Variants in DCAF10 observed in about 807,000 individuals in gnomAD.
DCAF10 encodes DDB1 and CUL4 associated factor 10.
DCAF10 carries 19 observed loss-of-function variants against 51.9 expected under a neutral mutation model. The ratio of observed to expected loss-of-function variants is 0.37; its 90% confidence interval spans 0.26 to 0.54. DCAF10 has a LOEUF of 0.54. DCAF10 is among the 20% of genes least tolerant of loss of function. The pLI is 0.87. For missense variants in DCAF10, 510 were observed against 730.6 expected (o/e 0.70, Z 3.48); for synonymous variants, 291 against 297.1 (o/e 0.98, Z 0.21).
intron 3 of DCAF10, among the ~76,000 whole-genome samples, chr9:37,844,675 AAAAT>A (rs1354700531): frequency 1.3e-5 from 2 of 151,838 alleles, no homozygotes; most frequent in Non-Finnish European, 2.9e-5. Flanking sequence ...AGCAACAACA[AAAAT>A]AAATAAAACA....
intron 3 of DCAF10, among the ~76,000 whole-genome samples, chr9:37,847,459 T>G (rs1413732003): frequency 6.6e-6 from 1 of 151,876 alleles, no homozygotes; most frequent in Non-Finnish European, 1.5e-5. Flanking sequence ...CTAATAAAGG[T>G]CAAAACCCAT....
At chr9:37,840,588 GA>G (rs1356370300) in intron 2 of DCAF10, among the ~76,000 whole-genome samples, 3 of 152,266 alleles carry the variant, frequency 2.0e-5, no homozygotes, top group African/African-American at 7.2e-5. Context: ...TATTACAAAA[GA>G]GTCAAAAGTT....
intron 3 of DCAF10, among the ~76,000 whole-genome samples, chr9:37,851,788 AAAATAAATAAAT>A (rs528017195): frequency 7.1e-6 from 1 of 141,428 alleles, no homozygotes; most frequent in Non-Finnish European, 1.5e-5. Flanking sequence ...ACTCTGTCTC[AAAATAAATAAAT>A]AAATAAATAA....
At chr9:37,819,198 C>A in intron 1 of DCAF10, 90 bp from the exon 2 acceptor site, 2 of 996,756 alleles carry the variant, frequency 2.0e-6, no homozygotes, top group Non-Finnish European at 1.5e-6. Context: ...AAGTTATTTA[C>A]CTATAGCTTG....
intron 1 of DCAF10, among the ~76,000 whole-genome samples, chr9:37,811,169 A>C (rs1181966953): frequency 6.6e-6 from 1 of 152,048 alleles, no homozygotes; most frequent in African/African-American, 2.4e-5. Context: ...CCATATCTGC[A>C]AAAAATCTAA....
In DCAF10 at chr9:37,819,268, A is replaced by C; in HGVS notation, c.540-20A>C. The stretch of plus-strand genomic sequence containing the variant: ...GAATGCTAGAAAACTAAACAAGATA[A>C]ATGTGTCATTTGCTTTCAGGTCAGT... On this transcript the variant is annotated intron_variant, in intron 1 of 6. Transcript: ENST00000377724. 6.3e-7 allele frequency: 1 copy of C among 1,584,642 alleles called. No individual in the cohort carries two copies. The highest frequency in any genetic ancestry group is 8.7e-7 in the Non-Finnish European group (1 of 1,155,350).
At chr9:37,842,800 T>G (rs918177080) in intron 3 of DCAF10, among the ~76,000 whole-genome samples, 1 of 152,202 alleles carries the variant, frequency 6.6e-6, no homozygotes, top group Non-Finnish European at 1.5e-5. Flanking sequence ...TTTCTAAACC[T>G]CCTGCAGTAC....
chr9:37,825,550 C>T (rs989971734), intron 2 of DCAF10, among the ~76,000 whole-genome samples: 2 of 152,160 alleles, frequency 1.3e-5, no homozygotes, highest in African/African-American at 2.4e-5. Context: ...TAGAGGGGAG[C>T]AACAGACGCT....
rs74343293 is a variant in DCAF10 at position 37,807,940 on chromosome 9, G to A, written c.539+6535G>A. Among the ~76,000 whole-genome samples the A allele has an allele frequency of 3.8e-3, 580 of 152,190 alleles. 8 individuals are homozygous for A. Among genetic ancestry groups the A allele is most frequent in the Non-Finnish European group, 4.9e-3 (335 of 68,008 alleles). Reference sequence around the variant, plus strand: ...GCCTCCCAAAGAGCTGGGATTATAAGTGTGAACCACTGTGCCTGGCCTGAA... The same window carrying A: ...GCCTCCCAAAGAGCTGGGATTATAAATGTGAACCACTGTGCCTGGCCTGAA... On this transcript the variant is annotated intron_variant, in intron 1 of 6. Transcript: ENST00000377724.
chr9:37,821,617 A>G (rs1829702354), intron 2 of DCAF10, among the ~76,000 whole-genome samples: 1 of 152,244 alleles, frequency 6.6e-6, no homozygotes, highest in Non-Finnish European at 1.5e-5. Context: ...CTCTCACTTT[A>G]TACAAAAATC....
chr9:37,849,812 G>A (rs1243347597), intron 3 of DCAF10, among the ~76,000 whole-genome samples: 1 of 151,842 alleles, frequency 6.6e-6, no homozygotes, highest in Non-Finnish European at 1.5e-5. Context: ...CCTGGGAGGC[G>A]GAGGTTGCAG....
intron 2 of DCAF10, among the ~76,000 whole-genome samples, chr9:37,839,827 A>G (rs1231924608): frequency 2.0e-5 from 3 of 152,196 alleles, no homozygotes; most frequent in African/African-American, 7.2e-5. Context: ...ATGTACTTAC[A>G]GTGTCTTTTC....
chr9:37,854,097 A>ATT (rs1030726610), intron 3 of DCAF10, among the ~76,000 whole-genome samples: 2 of 145,122 alleles, frequency 1.4e-5, no homozygotes, highest in Non-Finnish European at 3.0e-5. Context: ...TGAAGTTTCA[A>ATT]TTTTTTTTTT....
At position 37,861,783 on chromosome 9, in the gene DCAF10, G is replaced by T; in HGVS notation, c.*275G>T. 6.0e-6 allele frequency: 2 copies of T among 331,072 alleles called. No homozygotes were observed. The highest frequency in any genetic ancestry group is 5.6e-6 in the Non-Finnish European group (1 of 178,494). The allele number at this position is 331,072 out of a possible 1,614,324, so 20.5% of individuals were successfully genotyped here. On this transcript the variant is annotated 3_prime_UTR_variant, in exon 7 of 7. Transcript: ENST00000377724. The surrounding 1 kb of genome is among the most constrained non-coding windows in gnomAD (Gnocchi z 4.9). ...TCCAGTTCTTCTGGTCATTTTGCAT[G>T]GTAGCTCTTGTCACGTTCCTTCCTT...
chr9:37,867,567 C>T lies in DCAF10; in HGVS notation c.*6059C>T, dbSNP rs1227561328. 1 of 151,486 alleles carries T rather than the reference C, an allele frequency of 6.6e-6. No homozygotes were observed. The highest frequency in any genetic ancestry group is 2.4e-5 in the African/African-American group (1 of 41,188). 9.4% of individuals were successfully genotyped at this position (151,486 alleles called of 1,614,324 possible). On this transcript the variant is annotated 3_prime_UTR_variant, in exon 7 of 7. Transcript: ENST00000377724. ...AAGTTCTTATGCTAGACTGTAAGCTCCTTGAGGGCAGAGACTGTTTTATTT... is the reference window on the plus strand; with the variant it reads ...AAGTTCTTATGCTAGACTGTAAGCTTCTTGAGGGCAGAGACTGTTTTATTT...
Position 37,861,290 on chromosome 9 carries a change from T to C in DCAF10, c.1462T>C (p.Ser488Pro). ...CTTCAGCCCCGATGGACGAATGATT[T>C]CTTCCCCACATGGCTATGGGATTCG... ...LCFSPDGRMISSPHGYGIRLL... is the reference protein window; with the variant it reads ...LCFSPDGRMIPSPHGYGIRLL... The change falls in exon 7 of 7, where the codon TCT becomes CCT. Residue 488 changes from serine (S) to proline (P), a missense_variant. Around this residue, in one of 4 missense-constraint regions of DCAF10, gnomAD observed 104 missense variants for 206.2 expected, o/e 0.50. Transcript: ENST00000377724. The surrounding 1 kb of genome is among the most constrained non-coding windows in gnomAD (Gnocchi z 4.9). 2 of 1,614,208 alleles carry C rather than the reference T, an allele frequency of 1.2e-6. No individual in the cohort carries two copies. The highest frequency in any genetic ancestry group is 1.7e-6 in the Non-Finnish European group (2 of 1,180,026).
intron 2 of DCAF10, among the ~76,000 whole-genome samples, chr9:37,837,508 T>A (rs1830205164): frequency 6.6e-6 from 1 of 151,686 alleles, no homozygotes; most frequent in African/African-American, 2.4e-5. Flanking sequence ...TAGGTAAATA[T>A]TTTTCTTTAC....
At chr9:37,811,859 T>C (rs975470307) in intron 1 of DCAF10, among the ~76,000 whole-genome samples, 1 of 152,102 alleles carries the variant, frequency 6.6e-6, no homozygotes, top group Admixed American at 6.5e-5. Context: ...CATTGTAGAT[T>C]CAAGAAAGGC....
intron 1 of DCAF10, among the ~76,000 whole-genome samples, chr9:37,810,818 C>T (rs891398859): frequency 1.3e-5 from 2 of 152,024 alleles, no homozygotes; most frequent in South Asian, 2.1e-4. Flanking sequence ...ACAAGAATTG[C>T]AATTTAGGAT....
Sources: gnomAD v4.1 joint callset for allele counts (sites outside exome capture counted in the v4.1 genomes callset) on GRCh38, gnomAD v4.1.1 for gene constraint, gnomAD v4.1.1 regional missense constraint, Gnocchi (gnomAD v3.1) non-coding constraint, MANE v1.5 for transcripts, NCBI Gene and HGNC (gene_info 2026-07-23, HGNC 2026-07-21) for gene names.